Variants in TBC1D12 observed in about 807,000 individuals in gnomAD.
TBC1D12 encodes the protein TBC1 domain family, member 12.
A neutral mutation model predicts 86.7 loss-of-function variants in TBC1D12; 56 were observed. The observed-to-expected ratio is 0.65, with a 90% CI of 0.52 to 0.81. The LOEUF (loss-of-function observed/expected upper bound fraction) is 0.81, where lower values mean the gene tolerates loss of function less well. TBC1D12 is among the 30% of genes least tolerant of loss of function. The pLI is 0.00. For synonymous variants in TBC1D12, 421 were observed against 411.7 expected (o/e 1.02, Z -0.27); for missense variants, 1,023 against 1,038.8 (o/e 0.98, Z 0.21).
chr10:94,506,239 A>G (rs550675757), intron 6 of TBC1D12, among the ~76,000 whole-genome samples: 153 of 152,062 alleles, frequency 1.0e-3, no homozygotes, highest in Non-Finnish European at 2.0e-3. Context: ...AGGTTTCACC[A>G]TGTTGGCCAG....
At chr10:94,417,750 CTTT>C (rs35840263) in intron 1 of TBC1D12, among the ~76,000 whole-genome samples, 19 of 131,662 alleles carry the variant, frequency 1.4e-4, no homozygotes, top group Non-Finnish European at 1.6e-4. Flanking sequence ...GTCTCTTCTT[CTTT>C]TTTTTTTTTT....
At chr10:94,435,560 G>C (rs768665420) in intron 1 of TBC1D12, among the ~76,000 whole-genome samples, 1 of 152,094 alleles carries the variant, frequency 6.6e-6, no homozygotes, top group Non-Finnish European at 1.5e-5. Context: ...TTTTATGAAA[G>C]TGGTTAGTGG....
chr10:94,445,802 G>A (rs2055453492), intron 2 of TBC1D12, among the ~76,000 whole-genome samples: 2 of 152,006 alleles, frequency 1.3e-5, no homozygotes, highest in Admixed American at 6.6e-5. Context: ...ACAAAAATTA[G>A]CTAGGTGTGG....
At chr10:94,461,159 G>A (rs1182480408) in intron 2 of TBC1D12, among the ~76,000 whole-genome samples, 1 of 152,144 alleles carries the variant, frequency 6.6e-6, no homozygotes, top group Non-Finnish European at 1.5e-5. Flanking sequence ...TATAAATGTG[G>A]TGGGTAAAAG....
intron 4 of TBC1D12, 21 bp from the exon 5 acceptor site, chr10:94,497,034 A>G (rs2056329331): frequency 3.4e-6 from 5 of 1,457,424 alleles, no homozygotes; most frequent in Non-Finnish European, 4.7e-6. Flanking sequence ...TATTGAAATA[A>G]TTTTTACTCG....
At position 94,521,817 on chromosome 10, in the gene TBC1D12, CT is replaced by C. The variant is rs1842161141; in HGVS notation, c.1762-135del. On this transcript the variant is annotated intron_variant, in intron 9 of 12. Coordinates refer to ENST00000225235, the MANE Select transcript of TBC1D12 (RefSeq NM_015188.2). ...ATCATTAGGGGCTCTCTGTATTTACCTTTGCTGGGAAGGAAAAAAGAAATCT... is the reference window on the plus strand; with the variant it reads ...ATCATTAGGGGCTCTCTGTATTTACCTTGCTGGGAAGGAAAAAAGAAATCT... The C allele has an allele frequency of 2.7e-6, 2 of 737,758 alleles. 1 individual carries two copies. Among genetic ancestry groups the C allele is most frequent in the East Asian group, 6.2e-5 (2 of 32,082 alleles). 45.7% of individuals were successfully genotyped at this position (737,758 alleles called of 1,614,324 possible).
chr10:94,517,207 G>A (rs1041868223), intron 9 of TBC1D12, among the ~76,000 whole-genome samples: 5 of 152,116 alleles, frequency 3.3e-5, no homozygotes, highest in African/African-American at 2.4e-5. Flanking sequence ...CCAAAATCCT[G>A]TCTCTACTAA....
intron 2 of TBC1D12, among the ~76,000 whole-genome samples, chr10:94,469,447 CTTTT>C (rs71031578): frequency 1.8e-5 from 2 of 112,556 alleles, no homozygotes; most frequent in Admixed American, 1.0e-4. Context: ...GAGTTTTTTC[CTTTT>C]TTTTTTTTTT....
chr10:94,474,699 AACC>A lies in TBC1D12; in HGVS notation c.1134_1136del (p.Pro379del), dbSNP rs770465716. 1 of 1,614,058 alleles carries A rather than the reference AACC, an allele frequency of 6.2e-7. No homozygotes were observed. Among genetic ancestry groups the A allele is most frequent in the Admixed American group, 1.7e-5 (1 of 59,996 alleles). Reference sequence around the variant, plus strand: ...GAAGCACGAACGGGGAGGACCTGTAAACCACCACCTCAGTCTTCAAGACGCAAG... The same window carrying A: ...GAAGCACGAACGGGGAGGACCTGTAAACCACCTCAGTCTTCAAGACGCAAG... On this transcript the variant is annotated inframe_deletion, in exon 3 of 13. Coordinates refer to ENST00000225235, the MANE Select transcript of TBC1D12 (RefSeq NM_015188.2).
At chr10:94,492,001 A>T (rs2056251500) in intron 3 of TBC1D12, among the ~76,000 whole-genome samples, 1 of 152,212 alleles carries the variant, frequency 6.6e-6, no homozygotes, top group Non-Finnish European at 1.5e-5. Flanking sequence ...TGAAAAAGAA[A>T]TTTATGCTAG....
At position 94,402,618 on chromosome 10, in the gene TBC1D12, T is replaced by C. The variant is rs866151292; in HGVS notation, c.5T>C (p.Val2Ala). M[V>A]GPEDAGACSG... ...GCGGCCGCCACCCACCCCCAGATGG[T>C]GGGTCCGGAGGATGCCGGAGCCTGC... Residue 2 changes from valine (V) to alanine (A), a missense_variant, in exon 1 of 13, where the codon GTG becomes GCG. Around this residue, in one of 2 missense-constraint regions of TBC1D12, gnomAD observed 628 missense variants for 531.1 expected, o/e 1.18. Transcript: ENST00000225235. The C allele has an allele frequency of 6.2e-7, 1 of 1,611,392 alleles. No individual in the cohort carries two copies. The highest frequency in any genetic ancestry group is 8.5e-7 in the Non-Finnish European group (1 of 1,179,378).
chr10:94,413,825 T>G (rs1474350784), intron 1 of TBC1D12, among the ~76,000 whole-genome samples: 3 of 152,258 alleles, frequency 2.0e-5, no homozygotes, highest in South Asian at 2.1e-4. Flanking sequence ...CCACATAGAT[T>G]AAAACATTTT....
chr10:94,510,210 TA>T (rs571483868), intron 8 of TBC1D12, 31 bp downstream of exon 8: 13 of 1,471,064 alleles, frequency 8.8e-6, no homozygotes, highest in South Asian at 2.7e-5. Flanking sequence ...TGTAATTACT[TA>T]AAAAAAATCT....
intron 2 of TBC1D12, among the ~76,000 whole-genome samples, chr10:94,473,687 C>G (rs905957547): frequency 2.0e-5 from 3 of 152,156 alleles, no homozygotes; most frequent in Admixed American, 1.3e-4. Context: ...TGGAGATGAT[C>G]AGATGCTAGC....
chr10:94,500,273 G>A lies in TBC1D12; in HGVS notation c.1465G>A (p.Val489Ile), dbSNP rs767681611. 12 of 1,614,048 alleles carry A rather than the reference G, an allele frequency of 7.4e-6. No individual in the cohort carries two copies. The Middle Eastern group carries it at 4.9e-4, about 67-fold the overall frequency. Residue 489 changes from valine to isoleucine, a missense_variant, in exon 6 of 13, where the codon GTC becomes ATC. This residue lies in a region of TBC1D12 where 395 missense variants were observed against 507.7 expected (regional missense o/e 0.78). Coordinates refer to ENST00000225235, the MANE Select transcript of TBC1D12 (RefSeq NM_015188.2). ...ELWWQGLPPSVRGKVWSLAVG... is the reference protein window; with the variant it reads ...ELWWQGLPPSIRGKVWSLAVG... The stretch of plus-strand genomic sequence containing the variant: ...GTGGTGGCAGGGATTGCCCCCTAGT[G>A]TCCGTGGGAAAGTTTGGAGTCTAGC...
At chr10:94,470,452 C>T (rs2055886864) in intron 2 of TBC1D12, among the ~76,000 whole-genome samples, 1 of 152,092 alleles carries the variant, frequency 6.6e-6, no homozygotes, top group African/African-American at 2.4e-5. Context: ...GCAGCCTCCA[C>T]AACCTGGCTC....
At chr10:94,424,513 A>G (rs1479999723) in intron 1 of TBC1D12, among the ~76,000 whole-genome samples, 1 of 152,224 alleles carries the variant, frequency 6.6e-6, no homozygotes, top group Non-Finnish European at 1.5e-5. Context: ...CCAACGAAAG[A>G]AGGAGCTAGA....
chr10:94,532,943 C>T lies in TBC1D12; in HGVS notation c.2260-85C>T, dbSNP rs192110010. 1.2e-5 allele frequency: 9 copies of T among 760,360 alleles called. No homozygotes were observed. In the East Asian group the frequency reaches 2.6e-4, roughly 22 times the overall value. The allele number at this position is 760,360 out of a possible 1,614,324, so 47.1% of individuals were successfully genotyped here. On this transcript the variant is annotated intron_variant, in intron 12 of 12. Transcript: ENST00000225235. Reference sequence around the variant, plus strand: ...AGTGTTAAGTATAATAAAGCTTTTTCATGTTTATGAACTATAGTTATTTAA... The same window carrying T: ...AGTGTTAAGTATAATAAAGCTTTTTTATGTTTATGAACTATAGTTATTTAA...
Position 94,403,457 on chromosome 10 carries a change from G to T in TBC1D12, c.844G>T (p.Gly282Cys), listed in dbSNP as rs900488292. The T allele has an allele frequency of 9.1e-6, 14 of 1,544,018 alleles. No individual in the cohort carries two copies. The highest frequency in any genetic ancestry group is 8.7e-6 in the Non-Finnish European group (10 of 1,145,380). The change falls in exon 1 of 13, where the codon GGT (glycine) becomes TGT (cysteine). Residue 282 changes from glycine to cysteine, a missense_variant. Gly to Cys is a radical substitution (Grantham distance 159). Coordinates refer to ENST00000225235, the MANE Select transcript of TBC1D12 (RefSeq NM_015188.2). ...NSRNTFQVSR[G>C]QSARDHLPPA... is the part of the protein sequence containing the mutation. ...TCGCAACACGTTCCAGGTGAGCCGC[G>T]GTCAGAGCGCCCGCGATCACCTGCC...
Sources: gnomAD v4.1 joint callset for allele counts (sites outside exome capture counted in the v4.1 genomes callset) on GRCh38, gnomAD v4.1.1 for gene constraint, gnomAD v4.1.1 regional missense constraint, MANE v1.5 for transcripts, NCBI Gene and HGNC (gene_info 2026-07-23, HGNC 2026-07-21) for gene names.